The following ZNF664 variants were observed in gnomAD, a reference collection of about 807,000 sequenced individuals.
The protein encoded by ZNF664 is zinc finger protein 664.
ZNF664 carries 10 observed loss-of-function variants against 18.2 expected under a neutral mutation model. The ratio of observed to expected loss-of-function variants is 0.55; its 90% confidence interval spans 0.34 to 0.93. The LOEUF is 0.93. Among genes scored for constraint, ZNF664 ranks in the 40% least tolerant of loss-of-function variants. ZNF664 has a pLI of 0.02. For missense variants in ZNF664, 193 were observed against 319.0 expected (o/e 0.61, Z 3.01); for synonymous variants, 119 against 104.2 (o/e 1.14, Z -0.86).
chr12:123,991,173 C>T (rs1234841544), intron 3 of ZNF664, among the ~76,000 whole-genome samples: 5 of 152,086 alleles, frequency 3.3e-5, no homozygotes, highest in Non-Finnish European at 5.9e-5. Flanking sequence ...AAACTTAGGC[C>T]TTGTATGTGG....
chr12:123,990,020 A>G (rs932117673), intron 3 of ZNF664, among the ~76,000 whole-genome samples: 5 of 152,224 alleles, frequency 3.3e-5, no homozygotes, highest in Non-Finnish European at 7.3e-5. Flanking sequence ...CAGACAATAC[A>G]TGTTACGAAT....
chr12:123,984,548 C>A (rs1956802349), intron 2 of ZNF664, among the ~76,000 whole-genome samples: 1 of 151,756 alleles, frequency 6.6e-6, no homozygotes, highest in Non-Finnish European at 1.5e-5. Context: ...GAGACTTCTG[C>A]ATTGTGTTTA....
At chr12:123,984,788 A>C (rs927264537) in intron 2 of ZNF664, among the ~76,000 whole-genome samples, 2 of 152,096 alleles carry the variant, frequency 1.3e-5, no homozygotes, top group African/African-American at 4.8e-5. Flanking sequence ...AGAAGAAAAG[A>C]CTGTGTTAAG....
At chr12:123,976,310 G>T (rs2138309964) in intron 2 of ZNF664, among the ~76,000 whole-genome samples, 1 of 152,332 alleles carries the variant, frequency 6.6e-6, no homozygotes, top group African/African-American at 2.4e-5. Flanking sequence ...TTTAAGCTGA[G>T]ATTTGAAGAG....
At chr12:123,991,161 A>G (rs1376026279) in intron 3 of ZNF664, among the ~76,000 whole-genome samples, 1 of 152,220 alleles carries the variant, frequency 6.6e-6, no homozygotes, top group Non-Finnish European at 1.5e-5. Flanking sequence ...GTTAGATAAG[A>G]TAAACTTAGG....
At chr12:123,978,562 C>T (rs1956723007) in intron 2 of ZNF664, among the ~76,000 whole-genome samples, 1 of 152,162 alleles carries the variant, frequency 6.6e-6, no homozygotes, top group South Asian at 2.1e-4. Context: ...GGGAAGGCAT[C>T]ATTGTAGATT....
intron 3 of ZNF664, among the ~76,000 whole-genome samples, chr12:123,991,038 C>T (rs1956883046): frequency 6.6e-6 from 1 of 152,180 alleles, no homozygotes; most frequent in African/African-American, 2.4e-5. Flanking sequence ...AGTCAGACAG[C>T]TATTTAGTAT....
In ZNF664 at chr12:123,973,883, C is replaced by T. The variant is rs1956639198; in HGVS notation, c.-891-3C>T. On this transcript the variant is annotated splice_region_variant and splice_polypyrimidine_tract_variant and intron_variant, in intron 1 of 4. Coordinates refer to ENST00000337815, the MANE Select transcript of ZNF664 (RefSeq NM_152437.3). ...GCTGCATGGGGTGCTGTGTGTTTTT[C>T]AGGGCGCCCTGCGTCCGGCAGAGGA... 43 of 1,012,164 alleles carry T rather than the reference C, an allele frequency of 4.2e-5. No homozygotes were observed. The highest frequency in any genetic ancestry group is 5.0e-5 in the Non-Finnish European group (40 of 796,012). The allele number at this position is 1,012,164 out of a possible 1,614,324, so 62.7% of individuals were successfully genotyped here.
chr12:123,975,530 T>C (rs1416922959), intron 2 of ZNF664, among the ~76,000 whole-genome samples: 1 of 151,884 alleles, frequency 6.6e-6, no homozygotes, highest in Non-Finnish European at 1.5e-5. Flanking sequence ...GCTCAAGTGA[T>C]CCTTGTGCCT....
chr12:124,005,200 A>G (rs777060444), intron 3 of ZNF664, among the ~76,000 whole-genome samples: 6 of 152,158 alleles, frequency 3.9e-5, no homozygotes, highest in South Asian at 2.1e-4. Context: ...ATGTACTCCT[A>G]TGGGCCTGTC....
chr12:124,007,696 ATTTT>A (rs767018173), intron 3 of ZNF664, among the ~76,000 whole-genome samples: 2 of 148,638 alleles, frequency 1.3e-5, no homozygotes, highest in Non-Finnish European at 3.0e-5. Flanking sequence ...GCATTCACAG[ATTTT>A]TTTTTTTAAC....
In ZNF664 at chr12:124,013,009, C is replaced by T; in HGVS notation, c.*79C>T. Reference sequence around the variant, plus strand: ...AAACCCTGTATATACCTACATTGACCCAAGAAATATTTACGCAATCCCTAG... The same window carrying T: ...AAACCCTGTATATACCTACATTGACTCAAGAAATATTTACGCAATCCCTAG... On this transcript the variant is annotated 3_prime_UTR_variant, in exon 5 of 5. Transcript: ENST00000337815. 4 of 1,482,288 alleles carry T rather than the reference C, an allele frequency of 2.7e-6. No individual in the cohort carries two copies. Among genetic ancestry groups the T allele is most frequent in the Non-Finnish European group, 3.6e-6 (4 of 1,107,364 alleles). The allele number at this position is 1,482,288 out of a possible 1,614,324, so 91.8% of individuals were successfully genotyped here.
At chr12:124,009,039 T>C (rs1957105821) in intron 3 of ZNF664, among the ~76,000 whole-genome samples, 4 of 152,240 alleles carry the variant, frequency 2.6e-5, no homozygotes, top group Admixed American at 1.3e-4. Context: ...CAGACTGATA[T>C]GTCTAAGTCA....
chr12:124,012,085 T>C lies in ZNF664; in HGVS notation c.-60T>C. 1 of 1,539,434 alleles carries C rather than the reference T, an allele frequency of 6.5e-7. No homozygotes were observed. Among genetic ancestry groups the C allele is most frequent in the Non-Finnish European group, 8.7e-7 (1 of 1,152,064 alleles). On this transcript the variant is annotated 5_prime_UTR_variant, in exon 5 of 5. Transcript: ENST00000337815. The stretch of plus-strand genomic sequence containing the variant: ...AAGAGACTCTATGAAATAACAGTCT[T>C]GTAACTGTAGTAATCATAAGGAAAT...
chr12:124,011,594 A>G lies in ZNF664; in HGVS notation c.-551A>G. On this transcript the variant is annotated 5_prime_UTR_variant, in exon 5 of 5. Coordinates refer to ENST00000337815, the MANE Select transcript of ZNF664 (RefSeq NM_152437.3). ...GGAATTCCCCAAAGCAGGGCTTGCC[A>G]TACCTGGACCCCGAGGAGCCTGCTT... is the stretch of plus-strand genomic sequence containing the variant. 2 of 990,352 alleles carry G rather than the reference A, an allele frequency of 2.0e-6. No individual in the cohort carries two copies. Among genetic ancestry groups the G allele is most frequent in the Non-Finnish European group, 2.4e-6 (2 of 833,830 alleles). The allele number at this position is 990,352 out of a possible 1,614,324, so 61.3% of individuals were successfully genotyped here. A position where few individuals can be genotyped will look rare whatever the true frequency, so the allele number is the denominator to read the frequency against.
At chr12:124,008,957 G>T (rs1957104409) in intron 3 of ZNF664, among the ~76,000 whole-genome samples, 1 of 152,026 alleles carries the variant, frequency 6.6e-6, no homozygotes, top group Admixed American at 6.6e-5. Context: ...GGCTGTAGGT[G>T]TGCTCATTGC....
At position 124,012,371 on chromosome 12, in the gene ZNF664, G is replaced by A. The variant is rs773297037; in HGVS notation, c.227G>A (p.Arg76Lys). The change falls in exon 5 of 5, where the codon AGA becomes AAA. Residue 76 changes from arginine (R) to lysine (K), a missense_variant. Physicochemically the swap from Arg to Lys is conservative, Grantham distance 26 (BLOSUM62 2). Around this residue, in one of 3 missense-constraint regions of ZNF664, gnomAD observed 90 missense variants for 118.9 expected, o/e 0.76. Transcript: ENST00000337815. Reference protein sequence around the residue: ...KDFSTTTKLNRHKKIHTVEKP... With the variant: ...KDFSTTTKLNKHKKIHTVEKP... The stretch of plus-strand genomic sequence containing the variant: ...TTTAGCACTACAACAAAACTTAATA[G>A]ACATAAGAAAATCCACACAGTGGAG... The A allele has an allele frequency of 1.9e-6, 3 of 1,614,200 alleles. No homozygotes were observed. The highest frequency in any genetic ancestry group is 2.5e-6 in the Non-Finnish European group (3 of 1,180,026).
At chr12:124,008,228 G>C (rs1957096137) in intron 3 of ZNF664, among the ~76,000 whole-genome samples, 1 of 152,064 alleles carries the variant, frequency 6.6e-6, no homozygotes, top group African/African-American at 2.4e-5. Flanking sequence ...CTTCCTAGTA[G>C]TTCCTCTGTC....
Position 123,973,949 on chromosome 12 carries a change from C to T in ZNF664, c.-828C>T, listed in dbSNP as rs980708767. On this transcript the variant is annotated 5_prime_UTR_variant, in exon 2 of 5. Transcript: ENST00000337815. ...CAGGTGATGAGGAACCCCTCGCGCA[C>T]CCAGCGCAGAAGGCTGCTGCCGCCG... 3.2e-6 allele frequency: 4 copies of T among 1,231,828 alleles called. No individual in the cohort carries two copies. Among genetic ancestry groups the T allele is most frequent in the African/African-American group, 1.6e-5 (1 of 64,438 alleles). The allele number at this position is 1,231,828 out of a possible 1,614,324, so 76.3% of individuals were successfully genotyped here.
Sources: allele counts gnomAD v4.1 joint callset (sites outside exome capture counted in the v4.1 genomes callset), GRCh38; gene constraint gnomAD v4.1.1; regional missense constraint gnomAD v4.1.1; transcripts MANE v1.5; gene names NCBI Gene and HGNC (gene_info 2026-07-23, HGNC 2026-07-21).